Variants in KLHL29 observed in about 807,000 individuals in gnomAD.
KLHL29 encodes kelch-like protein 29.
A neutral mutation model predicts 80.4 loss-of-function variants in KLHL29; 21 were observed. That is an observed-to-expected ratio of 0.26 (90% CI 0.19 to 0.38). The LOEUF is 0.38. KLHL29 is among the 10% of genes least tolerant of loss of function. KLHL29 has a pLI of 1.00. For synonymous variants in KLHL29, 511 were observed against 526.8 expected (o/e 0.97, Z 0.41); for missense variants, 867 against 1,223.9 (o/e 0.71, Z 4.35).
chr2:23,621,869 A>G (rs1262501507), intron 3 of KLHL29, among the ~76,000 whole-genome samples: 1 of 152,154 alleles, frequency 6.6e-6, no homozygotes, highest in Non-Finnish European at 1.5e-5. Context: ...CAGGCGTCCA[A>G]ATAGGGGCAG....
intron 3 of KLHL29, among the ~76,000 whole-genome samples, chr2:23,569,868 T>C (rs1322660234): frequency 6.6e-6 from 1 of 152,190 alleles, no homozygotes; most frequent in Non-Finnish European, 1.5e-5. Flanking sequence ...TCTTCTTACT[T>C]TCATGGTACG....
At chr2:23,612,000 TAAAATG>T (rs1361967530) in intron 3 of KLHL29, among the ~76,000 whole-genome samples, 3 of 151,906 alleles carry the variant, frequency 2.0e-5, no homozygotes, top group Non-Finnish European at 4.4e-5. Flanking sequence ...CAGTAGGAGT[TAAAATG>T]AAAATGTCTA....
chr2:23,436,309 TGTGTGTGTG>T (rs1456475217), intron 1 of KLHL29, among the ~76,000 whole-genome samples: 1 of 151,334 alleles, frequency 6.6e-6, no homozygotes, highest in African/African-American at 2.4e-5. Context: ...TGTGTGTGTG[TGTGTGTGTG>T]TGTGTGTGTG....
intron 1 of KLHL29, among the ~76,000 whole-genome samples, chr2:23,405,379 C>A (rs1372358909): frequency 6.6e-6 from 1 of 152,128 alleles, no homozygotes; most frequent in Non-Finnish European, 1.5e-5. Flanking sequence ...CTACTCATCA[C>A]CTCATCATTT....
intron 1 of KLHL29, among the ~76,000 whole-genome samples, chr2:23,454,658 A>G (rs1663988247): frequency 6.6e-6 from 1 of 152,060 alleles, no homozygotes; most frequent in South Asian, 2.1e-4. Context: ...CTGAATAATG[A>G]TTTCGTTATT....
intron 2 of KLHL29, among the ~76,000 whole-genome samples, chr2:23,506,817 A>T (rs1237618379): frequency 6.6e-6 from 1 of 150,872 alleles, no homozygotes; most frequent in Admixed American, 6.6e-5. Flanking sequence ...GAACAGCCTG[A>T]CTCCTCAAAA....
At chr2:23,519,220 TG>T (rs2103468260) in intron 2 of KLHL29, among the ~76,000 whole-genome samples, 1 of 152,300 alleles carries the variant, frequency 6.6e-6, no homozygotes, top group East Asian at 1.9e-4. Flanking sequence ...TAGTCAGTCT[TG>T]GACCCGTCCA....
At chr2:23,502,500 A>G (rs1665481567) in intron 2 of KLHL29, among the ~76,000 whole-genome samples, 1 of 152,096 alleles carries the variant, frequency 6.6e-6, no homozygotes, top group African/African-American at 2.4e-5. Context: ...CCTAAGGGGG[A>G]GGACACTTGC....
At chr2:23,493,642 TGA>T (rs1433465143) in intron 2 of KLHL29, among the ~76,000 whole-genome samples, 1 of 152,022 alleles carries the variant, frequency 6.6e-6, no homozygotes, top group African/African-American at 2.4e-5. Context: ...CGTGTGTGTG[TGA>T]GTGTGTGTGT....
intron 2 of KLHL29, among the ~76,000 whole-genome samples, chr2:23,542,678 G>C (rs1666868658): frequency 6.6e-6 from 1 of 152,230 alleles, no homozygotes; most frequent in Non-Finnish European, 1.5e-5. Flanking sequence ...AGGCCAGAGA[G>C]AGATCGTTCT....
chr2:23,453,572 G>C (rs1663950913), intron 1 of KLHL29, among the ~76,000 whole-genome samples: 1 of 152,216 alleles, frequency 6.6e-6, no homozygotes, highest in African/African-American at 2.4e-5. Flanking sequence ...AGCCCCTGCT[G>C]GGTTCTGGCA....
intron 3 of KLHL29, among the ~76,000 whole-genome samples, chr2:23,612,552 G>A (rs957552471): frequency 3.3e-5 from 5 of 152,154 alleles, no homozygotes; most frequent in Middle Eastern, 3.2e-3. Flanking sequence ...GACCAGCCTG[G>A]CCAACATGGA....
At chr2:23,639,409 G>A (rs1021829770) in intron 4 of KLHL29, 129 bp downstream of exon 4, 2 of 855,714 alleles carry the variant, frequency 2.3e-6, no homozygotes, top group African/African-American at 3.5e-5. Flanking sequence ...CCCTCCTCAG[G>A]TTCAGGGGGC....
At chr2:23,622,402 C>T (rs1007951256) in intron 3 of KLHL29, among the ~76,000 whole-genome samples, 1 of 152,226 alleles carries the variant, frequency 6.6e-6, no homozygotes, top group Admixed American at 6.5e-5. Context: ...CATGTGATCT[C>T]TCTGAGTTGC....
At chr2:23,603,619 C>T (rs1263505532) in intron 3 of KLHL29, among the ~76,000 whole-genome samples, 2 of 152,218 alleles carry the variant, frequency 1.3e-5, no homozygotes, top group Admixed American at 6.5e-5. Flanking sequence ...ATCGAGGAGG[C>T]TGGCCGGGAA....
intron 3 of KLHL29, among the ~76,000 whole-genome samples, chr2:23,620,841 C>T (rs1002682130): frequency 3.9e-5 from 6 of 152,186 alleles, no homozygotes; most frequent in Admixed American, 6.5e-5. Flanking sequence ...CCCGCAGAGC[C>T]GGGTGTATAA....
At chr2:23,633,886 T>A (rs1669539259) in intron 3 of KLHL29, among the ~76,000 whole-genome samples, 1 of 151,818 alleles carries the variant, frequency 6.6e-6, no homozygotes, top group Admixed American at 6.6e-5. Flanking sequence ...AGCGTTCATT[T>A]CTCTCCCCGT....
intron 12 of KLHL29, 121 bp from the exon 13 acceptor site, chr2:23,703,598 C>A: frequency 7.9e-7 from 1 of 1,270,390 alleles, no homozygotes; most frequent in Non-Finnish European, 1.1e-6. Context: ...CATCCCCAGG[C>A]CAATCAGTCA....
At chr2:23,388,824 A>T (rs1232487950) in intron 1 of KLHL29, among the ~76,000 whole-genome samples, 1 of 151,692 alleles carries the variant, frequency 6.6e-6, no homozygotes, top group Non-Finnish European at 1.5e-5. Context: ...ATCTCATTTG[A>T]TATGTATGTG....
Sources: allele counts gnomAD v4.1 joint callset (sites outside exome capture counted in the v4.1 genomes callset), GRCh38; gene constraint gnomAD v4.1.1; transcripts MANE v1.5; gene names NCBI Gene and HGNC (gene_info 2026-07-23, HGNC 2026-07-21).